Variants in SPRED2 observed in about 807,000 individuals in gnomAD.
SPRED2 encodes the protein sprouty-related, EVH1 domain-containing protein 2.
SPRED2 carries 47 observed loss-of-function variants against 43.0 expected under a neutral mutation model. That is an observed-to-expected ratio of 1.09 (90% CI 0.87 to 1.40). The LOEUF is 1.40. Ranked by LOEUF, SPRED2 falls within the 40% of genes most tolerant of loss-of-function variation. The pLI is 0.00. For synonymous variants in SPRED2, 225 were observed against 225.7 expected, an observed-to-expected ratio of 1.00 and a Z score of 0.03; for missense variants, 561 against 586.4, an observed-to-expected ratio of 0.96 and a Z score of 0.45.
intron 1 of SPRED2, among the ~76,000 whole-genome samples, chr2:65,383,024 G>A (rs1389183377): frequency 2.0e-5 from 3 of 152,220 alleles, no homozygotes; most frequent in Non-Finnish European, 2.9e-5. Flanking sequence ...AAGTTCCGCT[G>A]CGGCACAAGC....
chr2:65,340,062 A>G (rs535567234), intron 2 of SPRED2, among the ~76,000 whole-genome samples: 2 of 152,372 alleles, frequency 1.3e-5, no homozygotes, highest in East Asian at 3.9e-4. Context: ...CACTCTTCTC[A>G]TAATTACTTT....
At chr2:65,418,878 T>TA (rs398104381) in intron 1 of SPRED2, among the ~76,000 whole-genome samples, 4 of 152,014 alleles carry the variant, frequency 2.6e-5, no homozygotes, top group Non-Finnish European at 4.4e-5. Flanking sequence ...CATTTTTTTT[T>TA]ATTTAAAACA....
At chr2:65,334,541 G>A in intron 3 of SPRED2, 64 bp downstream of exon 3, 1 of 1,570,286 alleles carries the variant, frequency 6.4e-7, no homozygotes, top group South Asian at 1.2e-5. Context: ...GCAGACTATT[G>A]GAATTAAAAA....
chr2:65,376,933 C>G (rs1361688576), intron 1 of SPRED2, among the ~76,000 whole-genome samples: 1 of 152,160 alleles, frequency 6.6e-6, no homozygotes, highest in Non-Finnish European at 1.5e-5. Flanking sequence ...CCAGGATGGT[C>G]TCGATCTCCT....
chr2:65,384,955 A>G (rs1446196272), intron 1 of SPRED2, among the ~76,000 whole-genome samples: 1 of 145,968 alleles, frequency 6.9e-6, no homozygotes, highest in Non-Finnish European at 1.5e-5. Context: ...GTTCACTAGA[A>G]ATTTTGCTTT....
chr2:65,417,482 C>T (rs62141075), intron 1 of SPRED2, among the ~76,000 whole-genome samples: 57,172 of 152,000 alleles, frequency 0.38, 10,943 homozygotes, highest in Middle Eastern at 0.5. Context: ...ATCTGGGAAG[C>T]TCATCTACCT....
intron 1 of SPRED2, among the ~76,000 whole-genome samples, chr2:65,420,663 T>C (rs1265329058): frequency 6.6e-6 from 1 of 152,234 alleles, no homozygotes; most frequent in Non-Finnish European, 1.5e-5. Flanking sequence ...TCCAGACACC[T>C]AAAATTAACC....
intron 1 of SPRED2, among the ~76,000 whole-genome samples, chr2:65,356,536 C>CTTTTTTTTTTTTTTTTTTTT (rs1274369940): frequency 1.7e-5 from 1 of 60,584 alleles, no homozygotes; most frequent in Non-Finnish European, 3.3e-5. Flanking sequence ...CCAGTTCCCT[C>CTTTTTTTTTTTTTTTTTTTT]TTTTTTTTTT....
intron 1 of SPRED2, among the ~76,000 whole-genome samples, chr2:65,396,422 T>C (rs1283566270): frequency 3.3e-5 from 5 of 152,228 alleles, no homozygotes; most frequent in Non-Finnish European, 7.3e-5. Flanking sequence ...GCTTGCCCTA[T>C]GTCCTACACT....
At chr2:65,352,319 AGGTG>A (rs1674534493) in intron 1 of SPRED2, among the ~76,000 whole-genome samples, 2 of 152,274 alleles carry the variant, frequency 1.3e-5, no homozygotes, top group Non-Finnish European at 2.9e-5. Context: ...GATGTACAGA[AGGTG>A]AAAAGTGGGC....
chr2:65,328,549 T>C (rs1192556353), intron 4 of SPRED2, among the ~76,000 whole-genome samples: 4 of 152,156 alleles, frequency 2.6e-5, no homozygotes, highest in Admixed American at 2.6e-4. Flanking sequence ...CCAAATGCAG[T>C]CACGTATCCA....
chr2:65,331,464 G>A (rs982289715), intron 4 of SPRED2, among the ~76,000 whole-genome samples: 1 of 152,110 alleles, frequency 6.6e-6, no homozygotes, highest in African/African-American at 2.4e-5. Flanking sequence ...CCTTTCCTGC[G>A]TTAGCACACT....
rs1387447866 is a variant in SPRED2 at position 65,313,798 on chromosome 2, C to T, written c.960G>A (p.Glu320=). The change falls in exon 6 of 6, where the codon GAG becomes GAA. Residue 320 remains glutamate (E), a synonymous_variant. Coordinates refer to ENST00000356388, the MANE Select transcript of SPRED2 (RefSeq NM_181784.3). ...CGTCCTGGCAGTGGCCCCGGCGGTT[C>T]TCCTCGTGGTTGAACATGTCCCTGC... ...VYCRDMFNHE[E]NRRGHCQDAP... The T allele has an allele frequency of 6.2e-7, 1 of 1,614,068 alleles. No individual in the cohort carries two copies. Among genetic ancestry groups the T allele is most frequent in the Non-Finnish European group, 8.5e-7 (1 of 1,180,030 alleles).
intron 1 of SPRED2, among the ~76,000 whole-genome samples, chr2:65,412,959 T>G (rs1041895893): frequency 4.6e-5 from 7 of 152,162 alleles, no homozygotes; most frequent in Non-Finnish European, 1.0e-4. Context: ...TGGTTACAAT[T>G]TTGGCACTAT....
rs761665293 is a variant in SPRED2, at chr2:65,386,285, C to CAAAAAAAAAAAAAAAAAAAAA, written c.27-41390_27-41389insTTTTTTTTTTTTTTTTTTTTT. ...GGGCGACAAGAGTGAGACTCTGTCT[C>CAAAAAAAAAAAAAAAAAAAAA]AAAAAAAAAAAAAAAAAAAGAAAGC... On this transcript the variant is annotated intron_variant, in intron 1 of 5. Transcript: ENST00000356388. Among the ~76,000 whole-genome samples, 2 of 55,480 alleles carry CAAAAAAAAAAAAAAAAAAAAA rather than the reference C, an allele frequency of 3.6e-5. 1 individual carries two copies. The highest frequency in any genetic ancestry group is 6.1e-5 in the Non-Finnish European group (2 of 32,942). 36.4% of individuals were successfully genotyped at this position (55,480 alleles called of 152,430 possible). A position where few individuals can be genotyped will look rare whatever the true frequency, so the allele number is the denominator to read the frequency against.
At chr2:65,394,841 A>G (rs1409914768) in intron 1 of SPRED2, among the ~76,000 whole-genome samples, 4 of 152,330 alleles carry the variant, frequency 2.6e-5, no homozygotes, top group East Asian at 1.9e-4. Context: ...TCATTTTTAT[A>G]TGAAGAGAAA....
At chr2:65,394,686 G>A (rs909464002) in intron 1 of SPRED2, among the ~76,000 whole-genome samples, 6 of 152,022 alleles carry the variant, frequency 3.9e-5, no homozygotes, top group African/African-American at 1.4e-4. Flanking sequence ...TTTCTGCTAC[G>A]GTACGAAGAT....
At chr2:65,430,693 C>T (rs1382669627) in intron 1 of SPRED2, among the ~76,000 whole-genome samples, 1 of 151,954 alleles carries the variant, frequency 6.6e-6, no homozygotes, top group Non-Finnish European at 1.5e-5. Context: ...GGCCTCCCTC[C>T]AGGGCGCGTC....
At chr2:65,380,390 T>C (rs185822221) in intron 1 of SPRED2, among the ~76,000 whole-genome samples, 66 of 152,314 alleles carry the variant, frequency 4.3e-4, no homozygotes, top group Non-Finnish European at 7.9e-4. Flanking sequence ...CCCAGGAGAC[T>C]CTACTGGCGT....
Sources: allele counts gnomAD v4.1 joint callset (sites outside exome capture counted in the v4.1 genomes callset), GRCh38; gene constraint gnomAD v4.1.1; transcripts MANE v1.5; gene names NCBI Gene and HGNC (gene_info 2026-07-23, HGNC 2026-07-21).